PCDHGA9: variants seen among roughly 807,000 people sequenced by gnomAD.
PCDHGA9 encodes the protein protocadherin gamma-A9.
PCDHGA9 carries 37 observed loss-of-function variants against 62.5 expected under a neutral mutation model. The ratio of observed to expected loss-of-function variants is 0.59; its 90% confidence interval spans 0.46 to 0.78. The LOEUF (loss-of-function observed/expected upper bound fraction) is 0.78. Among genes scored for constraint, PCDHGA9 ranks in the 30% least tolerant of loss-of-function variants. The pLI, the probability that PCDHGA9 is intolerant of heterozygous loss-of-function variation, is 0.00. For missense variants in PCDHGA9, 1,138 were observed against 1,166.2 expected (o/e 0.98, Z 0.35); for synonymous variants, 459 against 484.6 (o/e 0.95, Z 0.69).
At chr5:141,411,732 A>C (rs1437829295) in intron 1 of PCDHGA9, 4 of 152,694 alleles carry the variant, frequency 2.6e-5, no homozygotes, top group African/African-American at 9.7e-5. Flanking sequence ...ACATTTAAAA[A>C]TTAGCAGGGT....
rs191953163 is a variant in PCDHGA9 at position 141,426,385 on chromosome 5, C to T, written c.2424+21009C>T. Reference sequence around the variant, plus strand: ...CTGCGGGGCACCCTCGGAGCAGATCCGCTACTCTATTCCAGAAGAAACGGT... The same window carrying T: ...CTGCGGGGCACCCTCGGAGCAGATCTGCTACTCTATTCCAGAAGAAACGGT... On this transcript the variant is annotated intron_variant, in intron 1 of 3. Transcript: ENST00000573521. 1.4e-3 allele frequency: 332 copies of T among 244,362 alleles called. 1 individual carries two copies. The highest frequency in any genetic ancestry group is 1.5e-3 in the Non-Finnish European group (188 of 121,940). 15.1% of individuals were successfully genotyped at this position (244,362 alleles called of 1,614,324 possible). A position where few individuals can be genotyped will look rare whatever the true frequency, so the allele number is the denominator to read the frequency against.
Position 141,487,247 on chromosome 5 carries a change from T to C in PCDHGA9, c.2425-7560T>C. Reference sequence around the variant, plus strand: ...GGAAGGAGAATCTCGTCTAACCCTCTACTTGGCTGTGTCCCTAGTGGCAAT... The same window carrying C: ...GGAAGGAGAATCTCGTCTAACCCTCCACTTGGCTGTGTCCCTAGTGGCAAT... On this transcript the variant is annotated intron_variant, in intron 1 of 3. Transcript: ENST00000573521. This position sits in a 1 kb window ranked among gnomAD's most constrained non-coding sequence, Gnocchi z 5.0. 1 of 1,614,174 alleles carries C rather than the reference T, an allele frequency of 6.2e-7. No individual in the cohort carries two copies. The highest frequency in any genetic ancestry group is 1.3e-5 in the African/African-American group (1 of 75,048).
At position 141,512,045 on chromosome 5, in the gene PCDHGA9, C is replaced by T. The variant is rs568357347; in HGVS notation, c.*872C>T. On this transcript the variant is annotated 3_prime_UTR_variant, in exon 4 of 4. Transcript: ENST00000573521. ...GGCCTTGGAGGAGGCTCTGTATGTC[C>T]TCAGGGGACTGACAACATCCTCCAG... The T allele has an allele frequency of 1.5e-3, 224 of 152,846 alleles. 2 individuals are homozygous for T. The highest frequency in any genetic ancestry group is 4.6e-4 in the Non-Finnish European group (31 of 68,130). The allele number at this position is 152,846 out of a possible 1,614,324, so 9.5% of individuals were successfully genotyped here. A position where few individuals can be genotyped will look rare whatever the true frequency, so the allele number is the denominator to read the frequency against.
At position 141,512,091 on chromosome 5, in the gene PCDHGA9, A is replaced by C. The variant is rs1329025049; in HGVS notation, c.*918A>C. On this transcript the variant is annotated 3_prime_UTR_variant, in exon 4 of 4. Transcript: ENST00000573521. The stretch of plus-strand genomic sequence containing the variant: ...TCCAGATTCCAGCCATAAACCAATA[A>C]CTAGGCTGGACCCTTCCCACTACAT... 1 of 152,656 alleles carries C rather than the reference A, an allele frequency of 6.6e-6. No homozygotes were observed. The highest frequency in any genetic ancestry group is 2.4e-5 in the African/African-American group (1 of 41,456). 9.5% of individuals were successfully genotyped at this position (152,656 alleles called of 1,614,324 possible). A position where few individuals can be genotyped will look rare whatever the true frequency, so the allele number is the denominator to read the frequency against.
chr5:141,408,153 C>T, intron 1 of PCDHGA9: 4 of 1,509,360 alleles, frequency 2.7e-6, no homozygotes, highest in Non-Finnish European at 3.6e-6. Context: ...CGGTAGAGTG[C>T]ACTTTCTCCA....
At chr5:141,482,442 C>A (rs942933015) in intron 1 of PCDHGA9, among the ~76,000 whole-genome samples, 23 of 147,678 alleles carry the variant, frequency 1.6e-4, no homozygotes, top group African/African-American at 5.6e-4. Context: ...CTGATATTCA[C>A]CATTTATTAG....
intron 1 of PCDHGA9, chr5:141,416,540 G>T (rs1439132249): frequency 6.6e-6 from 1 of 151,974 alleles, no homozygotes; most frequent in Non-Finnish European, 1.5e-5. Flanking sequence ...GTATAAGGAG[G>T]CAAACACCTG....
intron 1 of PCDHGA9, among the ~76,000 whole-genome samples, chr5:141,449,848 T>C (rs7713034): frequency 0.29 from 44,283 of 151,474 alleles, 7,514 homozygotes; most frequent in African/African-American, 0.48. Flanking sequence ...AATTAAATTT[T>C]AATAATAAAA....
At chr5:141,417,993 C>A in intron 1 of PCDHGA9, 1 of 1,613,830 alleles carries the variant, frequency 6.2e-7, no homozygotes, top group Non-Finnish European at 8.5e-7. Flanking sequence ...GCCAAGGGCT[C>A]GGTGGTGGGG....
Position 141,491,536 on chromosome 5 carries a change from C to T in PCDHGA9, c.2425-3271C>T, listed in dbSNP as rs746800813. 1.2e-6 allele frequency: 2 copies of T among 1,614,006 alleles called. No individual in the cohort carries two copies. Among genetic ancestry groups the T allele is most frequent in the Admixed American group, 3.3e-5 (2 of 60,030 alleles). On this transcript the variant is annotated intron_variant, in intron 1 of 3. Coordinates refer to ENST00000573521, the MANE Select transcript of PCDHGA9 (RefSeq NM_018921.3). This position sits in a 1 kb window ranked among gnomAD's most constrained non-coding sequence, Gnocchi z 6.9. ...CAAGTACATGGAGGTGACGCTGCGG[C>T]CCACAGACTCGCAGAGCCACTGCTA...
intron 1 of PCDHGA9, chr5:141,410,815 T>C: frequency 1.8e-6 from 1 of 553,722 alleles, no homozygotes; most frequent in Non-Finnish European, 2.9e-6. Context: ...TTTTGTAAAA[T>C]AATGTCACCA....
chr5:141,419,765 G>A, intron 1 of PCDHGA9: 1 of 1,614,016 alleles, frequency 6.2e-7, no homozygotes, highest in Non-Finnish European at 8.5e-7. Context: ...GGGTGACAAG[G>A]ACTCGGTCCG....
At position 141,450,006 on chromosome 5, in the gene PCDHGA9, C is replaced by CTATTTTTTTTTTT. The variant is rs70988802; in HGVS notation, c.2424+44631_2424+44632insATTTTTTTTTTTT. Among the ~76,000 whole-genome samples, 4 of 132,982 alleles carry CTATTTTTTTTTTT rather than the reference C, an allele frequency of 3.0e-5. 1 individual carries two copies. The highest frequency in any genetic ancestry group is 5.6e-5 in the African/African-American group (2 of 35,576). 87.2% of individuals were successfully genotyped at this position (132,982 alleles called of 152,430 possible). A position where few individuals can be genotyped will look rare whatever the true frequency, so the allele number is the denominator to read the frequency against. Reference sequence around the variant, plus strand: ...CACATTGCATTTAGTTGCCATGTCTCTTTTTTTTTTTTTTTTTTGAGACAG... The same window carrying CTATTTTTTTTTTT: ...CACATTGCATTTAGTTGCCATGTCTCTATTTTTTTTTTTTTTTTTTTTTTTTTTTTTGAGACAG... On this transcript the variant is annotated intron_variant, in intron 1 of 3. Transcript: ENST00000573521.
intron 1 of PCDHGA9, chr5:141,417,966 C>T: frequency 6.2e-7 from 1 of 1,613,776 alleles, no homozygotes; most frequent in Non-Finnish European, 8.5e-7. Flanking sequence ...ATCCGCTACT[C>T]GATTCCGGAG....
intron 1 of PCDHGA9, 62 bp from the exon 2 acceptor site, chr5:141,494,745 G>T: frequency 1.2e-6 from 2 of 1,612,802 alleles, no homozygotes; most frequent in African/African-American, 1.3e-5. Context: ...ATCCCTAGGG[G>T]CTCGGGTGAC....
intron 1 of PCDHGA9, chr5:141,410,157 C>T: frequency 6.2e-7 from 1 of 1,613,546 alleles, no homozygotes; most frequent in Non-Finnish European, 8.5e-7. Context: ...GGTGGACAGC[C>T]GCCACTCTCT....
chr5:141,404,551 G>C lies in PCDHGA9; in HGVS notation c.1599G>C (p.Thr533=), dbSNP rs764332245. 6.2e-7 allele frequency: 1 copy of C among 1,613,866 alleles called. No individual in the cohort carries two copies. The highest frequency in any genetic ancestry group is 8.5e-7 in the Non-Finnish European group (1 of 1,179,770). The change falls in exon 1 of 4, where the codon ACG becomes ACC. Residue 533 remains threonine, a synonymous_variant. Transcript: ENST00000573521. ...EQFRDLQMQV[T]ASDSGSPPLS... ...TTAGAGATTTGCAAATGCAGGTGAC[G>C]GCAAGTGACAGTGGAAGCCCACCAC...
At position 141,487,991 on chromosome 5, in the gene PCDHGA9, G is replaced by C. The variant is rs932744807; in HGVS notation, c.2425-6816G>C. ...GCTGTTTTCTCTACTCTTCCTGAAA[G>C]AGGGGATCAGATTCTGAAGTACCTT... On this transcript the variant is annotated intron_variant, in intron 1 of 3. Coordinates refer to ENST00000573521, the MANE Select transcript of PCDHGA9 (RefSeq NM_018921.3). The surrounding 1 kb of genome is among the most constrained non-coding windows in gnomAD (Gnocchi z 5.0). 2.6e-5 allele frequency among the ~76,000 whole-genome samples: 4 copies of C among 152,194 alleles called. No homozygotes were observed. The highest frequency in any genetic ancestry group is 4.4e-5 in the Non-Finnish European group (3 of 68,030).
rs1491285973 is a variant in PCDHGA9, at chr5:141,415,739, GGT to G, written c.2424+10364_2424+10365del. 5.5e-5 allele frequency: 24 copies of G among 435,136 alleles called. No individual in the cohort carries two copies. The African/African-American group carries it at 7.2e-4, about 13-fold the overall frequency. 27.0% of individuals were successfully genotyped at this position (435,136 alleles called of 1,614,324 possible). A position where few individuals can be genotyped will look rare whatever the true frequency, so the allele number is the denominator to read the frequency against. On this transcript the variant is annotated intron_variant, in intron 1 of 3. Transcript: ENST00000573521. Reference sequence around the variant, plus strand: ...ATGAGTAGAATTTGATGTTTATTAAGGTTTTTTTTTTTTTTTTTTTTTTTTTT... The same window carrying G: ...ATGAGTAGAATTTGATGTTTATTAAGTTTTTTTTTTTTTTTTTTTTTTTTT...
Sources: gnomAD v4.1 joint callset for allele counts (sites outside exome capture counted in the v4.1 genomes callset) on GRCh38, gnomAD v4.1.1 for gene constraint, Gnocchi (gnomAD v3.1) non-coding constraint, MANE v1.5 for transcripts, NCBI Gene and HGNC (gene_info 2026-07-23, HGNC 2026-07-21) for gene names.